Variants in DOCK8 observed in about 807,000 individuals in gnomAD.
DOCK8 encodes dedicator of cytokinesis protein 8.
In DOCK8, 141 loss-of-function variants were observed where a neutral mutation model predicts 245.6. That is an observed-to-expected ratio of 0.57 (90% CI 0.50 to 0.66). The LOEUF (loss-of-function observed/expected upper bound fraction) is 0.66, where lower values mean the gene tolerates loss of function less well. DOCK8 is among the 30% of genes least tolerant of loss of function. The pLI is 0.00. For missense variants in DOCK8, 2,965 were observed against 2,603.4 expected (o/e 1.14, Z -3.02); for synonymous variants, 1,168 against 970.2 (o/e 1.20, Z -3.79).
chr9:439,114 C>T (rs2057001499), intron 39 of DOCK8, 131 bp from the exon 40 acceptor site: 2 of 1,153,638 alleles, frequency 1.7e-6, no homozygotes, highest in South Asian at 2.5e-5. Context: ...GGTAGAATTA[C>T]AGACCTAGTT....
intron 20 of DOCK8, 73 bp from the exon 21 acceptor site, chr9:379,698 C>G: frequency 6.5e-7 from 1 of 1,548,128 alleles, no homozygotes. Flanking sequence ...TTGTCACTGT[C>G]CTGGAGAAAC....
At chr9:269,812 C>G (rs564324743) in intron 1 of DOCK8, among the ~76,000 whole-genome samples, 1 of 152,090 alleles carries the variant, frequency 6.6e-6, no homozygotes, top group Non-Finnish European at 1.5e-5. Flanking sequence ...CCCACTTCAG[C>G]CCCCCAAAAT....
intron 42 of DOCK8, 103 bp from the exon 43 acceptor site, chr9:443,324 C>A: frequency 9.2e-7 from 1 of 1,087,240 alleles, no homozygotes; most frequent in Non-Finnish European, 1.4e-6. Flanking sequence ...CAGTGAACAT[C>A]ATTCTACCTT....
chr9:316,532 A>G (rs1404671599), intron 6 of DOCK8, among the ~76,000 whole-genome samples: 2 of 152,220 alleles, frequency 1.3e-5, no homozygotes, highest in African/African-American at 4.8e-5. Flanking sequence ...CCAAGTCTCT[A>G]TCATCTGTTT....
At chr9:215,249 C>T (rs748597119) in intron 1 of DOCK8, 33 of 1,591,428 alleles carry the variant, frequency 2.1e-5, no homozygotes, top group South Asian at 1.4e-4. Context: ...CCAAGAATCT[C>T]GGTGCTCCTG....
intron 2 of DOCK8, among the ~76,000 whole-genome samples, chr9:279,488 A>T (rs1480385943): frequency 6.6e-6 from 1 of 152,204 alleles, no homozygotes; most frequent in South Asian, 2.1e-4. Flanking sequence ...AAAACCTAGT[A>T]AAAGTGGTAT....
chr9:292,387 C>A (rs1327608264), intron 4 of DOCK8, among the ~76,000 whole-genome samples: 30 of 63,070 alleles, frequency 4.8e-4, no homozygotes, highest in South Asian at 2.9e-3. Flanking sequence ...AACTCCGTCT[C>A]AAAAAAAAAA....
chr9:234,377 G>A (rs1010954750), intron 1 of DOCK8, among the ~76,000 whole-genome samples: 1 of 152,082 alleles, frequency 6.6e-6, no homozygotes, highest in Non-Finnish European at 1.5e-5. Context: ...TATGTGTCTT[G>A]GAATTGCTTT....
chr9:333,676 A>G (rs2051161833), intron 10 of DOCK8, among the ~76,000 whole-genome samples: 1 of 149,662 alleles, frequency 6.7e-6, no homozygotes, highest in African/African-American at 2.5e-5. Context: ...CATAAATGTC[A>G]AGTAAGATTT....
chr9:332,504 T>G (rs1438753009), intron 10 of DOCK8, 26 bp downstream of exon 10: 3 of 1,520,150 alleles, frequency 2.0e-6, no homozygotes, highest in Non-Finnish European at 2.7e-6. Flanking sequence ...TGTTGTTAAA[T>G]GGAGACATCT....
Position 354,403 on chromosome 9 carries a change from G to T in DOCK8, c.1680-13615G>T, listed in dbSNP as rs199954962. On this transcript the variant is annotated intron_variant, in intron 14 of 47. Coordinates refer to ENST00000432829, the MANE Select transcript of DOCK8 (RefSeq NM_203447.4). ...TTTTTGAAGTAAAACCATTTTTTTT[G>T]AAGGAAACACATATTTAAATATCAA... Among the ~76,000 whole-genome samples the T allele has an allele frequency of 1.2e-4, 18 of 152,064 alleles. No individual in the cohort carries two copies. The East Asian group carries it at 1.5e-3, about 13-fold the overall frequency.
chr9:408,233 C>T (rs1249408463), intron 28 of DOCK8, among the ~76,000 whole-genome samples: 1 of 152,196 alleles, frequency 6.6e-6, no homozygotes, highest in African/African-American at 2.4e-5. Context: ...CTGCATGAAA[C>T]AAATACAGGA....
At chr9:213,422 T>C (rs1237414174), upstream of DOCK8, 1 of 152,218 alleles carries the variant, frequency 6.6e-6, no homozygotes, top group Non-Finnish European at 1.5e-5. Flanking sequence ...GTGAGCCACA[T>C]GTGTAATTTT....
At position 338,888 on chromosome 9, in the gene DOCK8, T is replaced by C. The variant is rs879052397; in HGVS notation, c.1423-118T>C. On this transcript the variant is annotated intron_variant, in intron 12 of 47. Transcript: ENST00000432829. Reference sequence around the variant, plus strand: ...ATTTCAGAGCTGTCTATAATCCTAATTTCTATGAAAGACTTGTGAGAATAA... The same window carrying C: ...ATTTCAGAGCTGTCTATAATCCTAACTTCTATGAAAGACTTGTGAGAATAA... The C allele has an allele frequency of 3.7e-6, 3 of 815,898 alleles. No individual in the cohort carries two copies. In the Admixed American group the frequency reaches 6.0e-5, roughly 16 times the overall value. 50.5% of individuals were successfully genotyped at this position (815,898 alleles called of 1,614,324 possible). A position where few individuals can be genotyped will look rare whatever the true frequency, so the allele number is the denominator to read the frequency against.
chr9:395,043 AAG>A (rs1255958855), intron 24 of DOCK8, among the ~76,000 whole-genome samples: 2 of 152,242 alleles, frequency 1.3e-5, no homozygotes, highest in African/African-American at 4.8e-5. Context: ...GCCCAAAACA[AAG>A]AGGCCTTATC....
intron 22 of DOCK8, among the ~76,000 whole-genome samples, chr9:385,411 A>G (rs2053911040): frequency 1.3e-5 from 2 of 152,250 alleles, no homozygotes; most frequent in South Asian, 2.1e-4. Context: ...CTGTAAATCT[A>G]ATAATAACTA....
rs146203421 is a variant in DOCK8 at position 376,612 on chromosome 9, C to G, written c.2205+307C>G. Among the ~76,000 whole-genome samples, 629 of 152,304 alleles carry G rather than the reference C, an allele frequency of 4.1e-3. 3 individuals are homozygous for G. Among genetic ancestry groups the G allele is most frequent in the African/African-American group, 0.014 (596 of 41,568 alleles). The stretch of plus-strand genomic sequence containing the variant: ...TTCTTTTCCCTCTGTAACTCTGCCA[C>G]TTTGCCAGCTTTTAAAAAGAAATTC... On this transcript the variant is annotated intron_variant, in intron 19 of 47. Transcript: ENST00000432829.
At chr9:295,987 T>C (rs985497223) in intron 4 of DOCK8, among the ~76,000 whole-genome samples, 1 of 152,240 alleles carries the variant, frequency 6.6e-6, no homozygotes, top group Non-Finnish European at 1.5e-5. Flanking sequence ...GTAAAATACA[T>C]GATCTCCAGT....
chr9:418,269 TTTTGTTTG>T, intron 30 of DOCK8, 62 bp downstream of exon 30: 1 of 1,603,088 alleles, frequency 6.2e-7, no homozygotes, highest in Non-Finnish European at 8.5e-7. Flanking sequence ...TTCTGTTTTG[TTTTGTTTG>T]TTTGTTTGTT....
Sources: gnomAD v4.1 joint callset for allele counts (sites outside exome capture counted in the v4.1 genomes callset) on GRCh38, gnomAD v4.1.1 for gene constraint, MANE v1.5 for transcripts, NCBI Gene and HGNC (gene_info 2026-07-23, HGNC 2026-07-21) for gene names.